TTC34: variants seen among roughly 807,000 people sequenced by gnomAD.
The protein encoded by TTC34 is tetratricopeptide repeat domain 34, also known as tetratricopeptide repeat protein 34.
Under a neutral mutation model 40.7 loss-of-function variants are expected in TTC34, and 44 were observed. That is an observed-to-expected ratio of 1.08 (90% confidence interval 0.85 to 1.39). The LOEUF is 1.39. Ranked by LOEUF, TTC34 falls within the 40% of genes most tolerant of loss-of-function variation. TTC34 has a pLI of 0.00. For missense variants in TTC34, 884 were observed against 838.0 expected (o/e 1.05, Z -0.68); for synonymous variants, 422 against 398.6 (o/e 1.06, Z -0.70).
intron 6 of TTC34, among the ~76,000 whole-genome samples, chr1:2,684,943 G>C (rs1445588518): frequency 7.3e-6 from 1 of 137,088 alleles, no homozygotes; most frequent in Non-Finnish European, 1.5e-5. Context: ...CGACAGCCTG[G>C]AGCACCACCC....
Position 2,677,881 on chromosome 1 carries a change from C to A in TTC34, c.2227-32318G>T, listed in dbSNP as rs1258468802. Among the ~76,000 whole-genome samples, 38 of 8,950 alleles carry A rather than the reference C, an allele frequency of 4.2e-3. 10 individuals are homozygous for A. Among genetic ancestry groups the A allele is most frequent in the East Asian group, 0.033 (2 of 60 alleles). 5.9% of individuals were successfully genotyped at this position (8,950 alleles called of 152,430 possible). ...AGGTGAGCATCAGACAGCCTGGAAC[C>A]GCAGCCACACCCCCAGGCGAGCATC... On this transcript the variant is annotated intron_variant, in intron 6 of 8. Coordinates refer to ENST00000401095, the Ensembl canonical transcript of TTC34.
At chr1:2,694,460 G>A (rs1640769406) in intron 6 of TTC34, among the ~76,000 whole-genome samples, 1 of 126,696 alleles carries the variant, frequency 7.9e-6, no homozygotes, top group Non-Finnish European at 1.6e-5. Flanking sequence ...GCCTGGAGCA[G>A]CACCCACAAC....
chr1:2,785,602 C>T lies in TTC34; in HGVS notation c.2059+217G>A, dbSNP rs150808122. ...GCACAGCTCAGGTCCCAGCTCAGGC[C>T]CCAGGTCTCAGAGCCTGGTCTCAGG... On this transcript the variant is annotated intron_variant, in intron 5 of 8. Coordinates refer to ENST00000401095, the Ensembl canonical transcript of TTC34. Among the ~76,000 whole-genome samples the T allele has an allele frequency of 9.4e-3, 1,429 of 152,310 alleles. 12 individuals carry two copies. The highest frequency in any genetic ancestry group is 0.027 in the Middle Eastern group (8 of 294).
intron 6 of TTC34, among the ~76,000 whole-genome samples, chr1:2,751,793 G>T (rs1641329271): frequency 7.4e-6 from 1 of 135,296 alleles, no homozygotes; most frequent in African/African-American, 3.0e-5. Context: ...CTGACAGCCT[G>T]GAGCAGCAGC....
At chr1:2,688,206 C>T (rs1268505683) in intron 6 of TTC34, among the ~76,000 whole-genome samples, 2 of 42,268 alleles carry the variant, frequency 4.7e-5, no homozygotes, top group East Asian at 2.0e-3. Flanking sequence ...CAGCACCCCA[C>T]ACCCCCAGGG....
chr1:2,639,412 C>T (rs1217373129), exon 9 of TTC34: 1 of 152,588 alleles, frequency 6.6e-6, no homozygotes, highest in Non-Finnish European at 1.5e-5. Flanking sequence ...GGGAAGGGCA[C>T]CCCTAGGGGA....
chr1:2,750,189 G>A (rs1641268831), intron 6 of TTC34, among the ~76,000 whole-genome samples: 3 of 151,562 alleles, frequency 2.0e-5, no homozygotes, highest in African/African-American at 2.4e-5. Flanking sequence ...TGACAGCCTG[G>A]GTCGGCACCC....
intron 6 of TTC34, among the ~76,000 whole-genome samples, chr1:2,653,692 C>T (rs1370990967): frequency 2.8e-5 from 4 of 144,590 alleles, no homozygotes; most frequent in African/African-American, 1.0e-4. Context: ...ACCCACACCC[C>T]CAGGTGAGCA....
intron 6 of TTC34, among the ~76,000 whole-genome samples, chr1:2,769,624 C>T (rs1217248527): frequency 3.7e-5 from 5 of 136,748 alleles, no homozygotes; most frequent in African/African-American, 1.2e-4. Context: ...TGGAACAGCA[C>T]CCACACCCCC....
At chr1:2,789,684 G>T in exon 3 of TTC34, 1 of 1,241,858 alleles carries the variant, frequency 8.1e-7, no homozygotes, top group Non-Finnish European at 1.0e-6. Flanking sequence ...TCCTCGGGCC[G>T]CAGCCTGCAG....
At chr1:2,651,535 A>G (rs1639134164) in intron 6 of TTC34, among the ~76,000 whole-genome samples, 1 of 151,740 alleles carries the variant, frequency 6.6e-6, no homozygotes. Context: ...TGAGAATCTG[A>G]CAGCCTGGAT....
rs553567373 is a variant in TTC34 at position 2,691,505 on chromosome 1, A to T, written c.2227-45942T>A. On this transcript the variant is annotated intron_variant, in intron 6 of 8. Transcript: ENST00000401095. ...ATGGTCTGGAGCAGCACCCAAAACC[A>T]CAGGTGAGCATCGGAGAGTCTGGAA... is the stretch of plus-strand genomic sequence containing the variant. Among the ~76,000 whole-genome samples the T allele has an allele frequency of 5.1e-4, 40 of 78,366 alleles. 2 individuals carry two copies. Among genetic ancestry groups the T allele is most frequent in the African/African-American group, 1.9e-3 (39 of 21,024 alleles). 51.4% of individuals were successfully genotyped at this position (78,366 alleles called of 152,430 possible). A position where few individuals can be genotyped will look rare whatever the true frequency, so the allele number is the denominator to read the frequency against.
At chr1:2,657,742 CT>C (rs1307347378) in intron 6 of TTC34, among the ~76,000 whole-genome samples, 8 of 44,194 alleles carry the variant, frequency 1.8e-4, no homozygotes, top group South Asian at 8.1e-4. Context: ...CACCCACACC[CT>C]CAGGTGAGCA....
chr1:2,795,007 C>A lies in TTC34; in HGVS notation c.785-4661G>T, dbSNP rs557366289. Among the ~76,000 whole-genome samples the A allele has an allele frequency of 2.6e-5, 4 of 151,982 alleles. No homozygotes were observed. The South Asian group carries it at 6.3e-4, about 24-fold the overall frequency. The stretch of plus-strand genomic sequence containing the variant: ...CAGCAGTTATTTCAGCTAACTATTC[C>A]TGCATAACCATCCACTGTAAAACTT... On this transcript the variant is annotated intron_variant, in intron 2 of 8. Coordinates refer to ENST00000401095, the Ensembl canonical transcript of TTC34.
At chr1:2,699,450 G>C (rs374354291) in intron 6 of TTC34, among the ~76,000 whole-genome samples, 2 of 57,744 alleles carry the variant, frequency 3.5e-5, no homozygotes, top group African/African-American at 1.1e-4. Flanking sequence ...ACATCACCCC[G>C]CACCCACAGG....
chr1:2,673,076 C>T, intron 6 of TTC34, among the ~76,000 whole-genome samples: 1 of 67,786 alleles, frequency 1.5e-5, no homozygotes, highest in Non-Finnish European at 3.6e-5. Flanking sequence ...CACCCTGCAC[C>T]CCCAGGTGAG....
intron 6 of TTC34, among the ~76,000 whole-genome samples, chr1:2,655,973 A>G (rs908719748): frequency 0.022 from 2,971 of 137,272 alleles, no homozygotes; most frequent in South Asian, 0.065. Flanking sequence ...CAGCACCCAC[A>G]CCCCCAGGCG....
chr1:2,793,527 T>A (rs1643684060), intron 2 of TTC34, among the ~76,000 whole-genome samples: 1 of 152,230 alleles, frequency 6.6e-6, no homozygotes, highest in South Asian at 2.1e-4. Flanking sequence ...ATTCCCTGTT[T>A]TGTATCTTAA....
intron 1 of TTC34, among the ~76,000 whole-genome samples, 160 bp downstream of exon 1, chr1:2,801,417 T>C (rs1170338300): frequency 6.6e-6 from 1 of 151,908 alleles, no homozygotes; most frequent in Non-Finnish European, 1.5e-5. Flanking sequence ...GTGGGGGGGT[T>C]CAGTTTTGAG....
Sources: gnomAD v4.1 joint callset for allele counts (sites outside exome capture counted in the v4.1 genomes callset) on GRCh38, gnomAD v4.1.1 for gene constraint, MANE v1.5 for transcripts, NCBI Gene and HGNC (gene_info 2026-07-23, HGNC 2026-07-21) for gene names.